Variants in ACACA observed in about 807,000 individuals in gnomAD.
The protein encoded by ACACA is acetyl-CoA carboxylase alpha.
Under a neutral mutation model 296.1 loss-of-function variants are expected in ACACA, and 103 were observed. The ratio of observed to expected loss-of-function variants is 0.35; its 90% CI spans 0.30 to 0.41. ACACA has a LOEUF of 0.41. ACACA is among the 10% of genes least tolerant of loss of function. The pLI, the probability that ACACA is intolerant of heterozygous loss-of-function variation, is 1.00. For synonymous variants in ACACA, 953 were observed against 1,038.6 expected (o/e 0.92, Z 1.58); for missense variants, 1,554 against 2,989.7 (o/e 0.52, Z 11.20).
intron 9 of ACACA, among the ~76,000 whole-genome samples, chr17:37,273,330 A>T (rs1313534857): frequency 6.6e-6 from 1 of 152,246 alleles, no homozygotes; most frequent in African/African-American, 2.4e-5. Flanking sequence ...AAAGGGGAAC[A>T]AATTGGAGGG....
At chr17:37,286,523 T>G (rs2082781373) in intron 3 of ACACA, among the ~76,000 whole-genome samples, 1 of 152,188 alleles carries the variant, frequency 6.6e-6, no homozygotes, top group Admixed American at 6.5e-5. Context: ...CCTGTTCTGT[T>G]CACCAAACCG....
intron 27 of ACACA, among the ~76,000 whole-genome samples, chr17:37,224,476 A>G (rs946495072): frequency 4.6e-5 from 7 of 152,134 alleles, no homozygotes; most frequent in African/African-American, 1.7e-4. Context: ...CCTTCTGATT[A>G]GTAGTAAAAT....
rs569601312 is a variant in ACACA, at chr17:37,323,407, C to A, written c.338+6766G>T. On this transcript the variant is annotated intron_variant, in intron 3 of 55. Coordinates refer to ENST00000616317, the MANE Select transcript of ACACA (RefSeq NM_198834.3). ...GCCAGGAATTCAAGACCAACCAGGGCAACATAGCAAGACCCCATCTCTAAA... is the reference window on the plus strand; with the variant it reads ...GCCAGGAATTCAAGACCAACCAGGGAAACATAGCAAGACCCCATCTCTAAA... Among the ~76,000 whole-genome samples, 150 of 152,344 alleles carry A rather than the reference C, an allele frequency of 9.8e-4. 1 individual carries two copies. Among genetic ancestry groups the A allele is most frequent in the African/African-American group, 3.5e-3 (146 of 41,584 alleles).
chr17:37,188,556 G>A, intron 38 of ACACA, 76 bp from the exon 39 acceptor site: 1 of 1,490,276 alleles, frequency 6.7e-7, no homozygotes, highest in East Asian at 2.3e-5. Flanking sequence ...GCTCATATTT[G>A]AGAAAGAAGG....
intron 50 of ACACA, among the ~76,000 whole-genome samples, chr17:37,117,160 CCA>C (rs2074297819): frequency 6.6e-6 from 1 of 152,134 alleles, no homozygotes; most frequent in Non-Finnish European, 1.5e-5. Context: ...CAGAGTGTTT[CCA>C]CAGTGTCCCA....
At chr17:37,171,314 T>C (rs551510293) in intron 41 of ACACA, among the ~76,000 whole-genome samples, 19 of 152,208 alleles carry the variant, frequency 1.2e-4, no homozygotes, top group African/African-American at 4.3e-4. Flanking sequence ...ATCTGCATCA[T>C]AAAGATGAGA....
At chr17:37,197,949 A>C (rs2145206741) in intron 35 of ACACA, among the ~76,000 whole-genome samples, 1 of 152,324 alleles carries the variant, frequency 6.6e-6, no homozygotes, top group South Asian at 2.1e-4. Context: ...TTCCCACTTG[A>C]TGCCACTATA....
intron 3 of ACACA, among the ~76,000 whole-genome samples, chr17:37,324,128 A>G (rs1419416473): frequency 6.6e-6 from 1 of 152,174 alleles, no homozygotes; most frequent in Non-Finnish European, 1.5e-5. Context: ...GCACTTTGGG[A>G]GGCCGAGGTG....
chr17:37,109,649 G>A (rs1049629549), intron 52 of ACACA, among the ~76,000 whole-genome samples: 11 of 152,146 alleles, frequency 7.2e-5, no homozygotes, highest in African/African-American at 2.4e-4. Context: ...ATGATTAAAC[G>A]GCTATCACTT....
At chr17:37,329,842 G>C (rs2047790689) in intron 3 of ACACA, among the ~76,000 whole-genome samples, 5 of 151,998 alleles carry the variant, frequency 3.3e-5, no homozygotes, top group African/African-American at 9.7e-5. Flanking sequence ...TTGGGAGGCT[G>C]AGGCAGAAGA....
chr17:37,225,384 A>G, intron 26 of ACACA: 1 of 393,318 alleles, frequency 2.5e-6, no homozygotes. Context: ...AAGTTCCATC[A>G]GTGTATGTGA....
At chr17:37,343,591 C>T (rs1268616204) in intron 1 of ACACA, among the ~76,000 whole-genome samples, 1 of 151,418 alleles carries the variant, frequency 6.6e-6, no homozygotes, top group African/African-American at 2.4e-5. Context: ...ATGGTGAAAC[C>T]CCATCTCTAC....
At chr17:37,154,077 T>A (rs1394198963) in intron 43 of ACACA, among the ~76,000 whole-genome samples, 1 of 151,886 alleles carries the variant, frequency 6.6e-6, no homozygotes, top group African/African-American at 2.4e-5. Flanking sequence ...GAGGTTGAGG[T>A]GGGAGGATTA....
At position 37,192,177 on chromosome 17, in the gene ACACA, C is replaced by T; in HGVS notation, c.4329G>A (p.Gly1443=). Residue 1443 remains glycine (G), a synonymous_variant, in exon 37 of 56, where the codon GGG becomes GGA. Transcript: ENST00000616317. ...CANHKMHLYL[G]AAKVEVGTEV... Reference sequence around the variant, plus strand: ...CTGTGCCCACTTCCACCTTGGCTGCCCCGAGATACAGGTGCATCTTGTGAT... The same window carrying T: ...CTGTGCCCACTTCCACCTTGGCTGCTCCGAGATACAGGTGCATCTTGTGAT... 1.2e-6 allele frequency: 2 copies of T among 1,613,940 alleles called. No individual in the cohort carries two copies. The highest frequency in any genetic ancestry group is 1.7e-6 in the Non-Finnish European group (2 of 1,179,980).
intron 8 of ACACA, 22 bp from the exon 9 acceptor site, chr17:37,274,321 T>G: frequency 3.2e-6 from 5 of 1,579,312 alleles, no homozygotes; most frequent in Non-Finnish European, 4.4e-6. Flanking sequence ...AATAGCAACT[T>G]AGGGCAATTA....
At chr17:37,224,057 C>T (rs559828922) in intron 27 of ACACA, among the ~76,000 whole-genome samples, 3 of 152,112 alleles carry the variant, frequency 2.0e-5, no homozygotes, top group Non-Finnish European at 4.4e-5. Context: ...CAAAAATTAG[C>T]CAGGCGTGGT....
At chr17:37,247,825 G>A (rs2080789462) in intron 18 of ACACA, 186 bp downstream of exon 18, 2 of 655,044 alleles carry the variant, frequency 3.1e-6, no homozygotes, top group Admixed American at 5.7e-5. Flanking sequence ...GAGTGGTAGG[G>A]AGACATGTTT....
At chr17:37,277,704 C>T (rs898616883) in intron 6 of ACACA, among the ~76,000 whole-genome samples, 192 bp downstream of exon 6, 7 of 152,052 alleles carry the variant, frequency 4.6e-5, no homozygotes, top group African/African-American at 1.7e-4. Context: ...GTTTGTATTA[C>T]GTTTACTTTA....
At chr17:37,251,124 A>AT (rs2080973180) in intron 16 of ACACA, among the ~76,000 whole-genome samples, 1 of 152,194 alleles carries the variant, frequency 6.6e-6, no homozygotes, top group Non-Finnish European at 1.5e-5. Flanking sequence ...CATTTGACAT[A>AT]TTTGTACACC....
Sources: allele counts gnomAD v4.1 joint callset (sites outside exome capture counted in the v4.1 genomes callset), GRCh38; gene constraint gnomAD v4.1.1; transcripts MANE v1.5; gene names NCBI Gene and HGNC (gene_info 2026-07-23, HGNC 2026-07-21).